ZFP1: variants seen among roughly 807,000 people sequenced by gnomAD.
ZFP1 encodes ZFP1 zinc finger protein.
In ZFP1, 32 loss-of-function variants were observed where a neutral mutation model predicts 38.5. The observed-to-expected ratio is 0.83, with a 90% CI of 0.63 to 1.12. The LOEUF is 1.12. ZFP1 is among the 50% of genes most tolerant of loss of function. The pLI is 0.00. For missense variants in ZFP1, 616 were observed against 480.8 expected (o/e 1.28, Z -2.63); for synonymous variants, 245 against 168.8 (o/e 1.45, Z -3.50).
chr16:75,163,035 G>A (rs545280014), intron 2 of ZFP1, among the ~76,000 whole-genome samples: 4 of 151,380 alleles, frequency 2.6e-5, no homozygotes, highest in Non-Finnish European at 5.9e-5. Flanking sequence ...TCAGCCTCCC[G>A]AGTAGCTGGG....
At chr16:75,156,906 C>T (rs759286976) in intron 2 of ZFP1, among the ~76,000 whole-genome samples, 3 of 152,238 alleles carry the variant, frequency 2.0e-5, no homozygotes, top group Non-Finnish European at 4.4e-5. Flanking sequence ...GGGCCAGGCT[C>T]ACCCAGGCAT....
At position 75,169,932 on chromosome 16, in the gene ZFP1, A is replaced by C. The variant is rs748595255; in HGVS notation, c.822A>C (p.Gly274=). The part of the protein sequence containing the change: ...EKKPYECSEC[G]KTFAQKFELT... ...AGCCCTATGAGTGCAGTGAATGTGG[A>C]AAGACATTTGCCCAAAAGTTTGAAC... The change falls in exon 4 of 4, where the codon GGA becomes GGC. Residue 274 remains glycine, a synonymous_variant. Coordinates refer to ENST00000570010, the MANE Select transcript of ZFP1 (RefSeq NM_153688.4). The C allele has an allele frequency of 6.2e-7, 1 of 1,614,098 alleles. No individual in the cohort carries two copies. The highest frequency in any genetic ancestry group is 8.5e-7 in the Non-Finnish European group (1 of 1,180,036).
the ZFP1 span, among the ~76,000 whole-genome samples, chr16:75,124,350 G>C: frequency 4.0e-5 from 6 of 150,824 alleles, no homozygotes; most frequent in Admixed American, 4.0e-4. Context: ...AGTAGAGACA[G>C]GGTTTTGCCA....
intron 1 of ZFP1, chr16:75,149,026 C>T (rs2037039946): frequency 6.6e-6 from 1 of 151,816 alleles, no homozygotes; most frequent in African/African-American, 2.4e-5. Flanking sequence ...CCTGACACAC[C>T]TGGCCACGCC....
At position 75,169,662 on chromosome 16, in the gene ZFP1, C is replaced by CAT; in HGVS notation, c.553_554dup (p.Cys186PhefsTer159). On this transcript the variant is annotated frameshift_variant, in exon 4 of 4. Coordinates refer to ENST00000570010, the MANE Select transcript of ZFP1 (RefSeq NM_153688.4). LOFTEE classifies it high-confidence loss of function. Reference sequence around the variant, plus strand: ...AAATAAAAAACTTGGTTCAACCTTTCATTTGTACTTACTGTGACAAGGCTT... The same window carrying CAT: ...AAATAAAAAACTTGGTTCAACCTTTCATATTTGTACTTACTGTGACAAGGCTT... 1 of 1,606,746 alleles carries CAT rather than the reference C, an allele frequency of 6.2e-7. No homozygotes were observed. Among genetic ancestry groups the CAT allele is most frequent in the Non-Finnish European group, 8.5e-7 (1 of 1,177,918 alleles).
At chr16:75,136,785 T>C in the ZFP1 span, among the ~76,000 whole-genome samples, 2 of 152,088 alleles carry the variant, frequency 1.3e-5, no homozygotes, top group Non-Finnish European at 2.9e-5. Context: ...GCAGGAAGAC[T>C]GCTTGAGTCC....
In ZFP1 at chr16:75,169,658, C is replaced by G. The variant is rs373836912; in HGVS notation, c.548C>G (p.Pro183Arg). 1.4e-5 allele frequency: 22 copies of G among 1,601,684 alleles called. No individual in the cohort carries two copies. The highest frequency in any genetic ancestry group is 4.5e-5 in the South Asian group (4 of 88,786). ...KHQKIKNLVQPFICTYCDKAF... is the reference protein window; with the variant it reads ...KHQKIKNLVQRFICTYCDKAF... ...CAGAAAATAAAAAACTTGGTTCAAC[C>G]TTTCATTTGTACTTACTGTGACAAG... The change falls in exon 4 of 4, where the codon CCT becomes CGT. Residue 183 changes from proline to arginine, a missense_variant. Coordinates refer to ENST00000570010, the MANE Select transcript of ZFP1 (RefSeq NM_153688.4).
At chr16:75,128,326 G>A in the ZFP1 span, among the ~76,000 whole-genome samples, 1 of 152,184 alleles carries the variant, frequency 6.6e-6, no homozygotes, top group African/African-American at 2.4e-5. Context: ...AGTCTTATCT[G>A]AGATTCCTTC....
chr16:75,130,442 T>G, the ZFP1 span, among the ~76,000 whole-genome samples: 1 of 152,168 alleles, frequency 6.6e-6, no homozygotes, highest in East Asian at 1.9e-4. Flanking sequence ...TGACTGGCCT[T>G]GTACGCATGC....
chr16:75,163,073 C>T lies in ZFP1; in HGVS notation c.16-3697C>T, dbSNP rs544393771. 2.4e-3 allele frequency among the ~76,000 whole-genome samples: 371 copies of T among 152,098 alleles called. 3 individuals carry two copies. The highest frequency in any genetic ancestry group is 8.4e-3 in the African/African-American group (350 of 41,530). On this transcript the variant is annotated intron_variant, in intron 2 of 3. Coordinates refer to ENST00000570010, the MANE Select transcript of ZFP1 (RefSeq NM_153688.4). Reference sequence around the variant, plus strand: ...TACATGCGCCCACCACCACGTCCGGCTAATTTTTGTATTTTTAGTAGAGAC... The same window carrying T: ...TACATGCGCCCACCACCACGTCCGGTTAATTTTTGTATTTTTAGTAGAGAC...
chr16:75,165,911 A>C (rs2038051212), intron 2 of ZFP1, among the ~76,000 whole-genome samples: 1 of 151,860 alleles, frequency 6.6e-6, no homozygotes. Flanking sequence ...TCCTTAATGT[A>C]CCTTTTGCAT....
chr16:75,154,505 C>T (rs1230182910), intron 2 of ZFP1, among the ~76,000 whole-genome samples: 1 of 151,124 alleles, frequency 6.6e-6, no homozygotes, highest in Non-Finnish European at 1.5e-5. Context: ...TTGTAAGAAA[C>T]TGCCAAACTC....
At chr16:75,126,479 C>A in the ZFP1 span, among the ~76,000 whole-genome samples, 1 of 152,296 alleles carries the variant, frequency 6.6e-6, no homozygotes, top group Non-Finnish European at 1.5e-5. Context: ...TCTTGGCTTA[C>A]TACAACCTCT....
At chr16:75,140,506 T>G in the ZFP1 span, among the ~76,000 whole-genome samples, 1 of 152,246 alleles carries the variant, frequency 6.6e-6, no homozygotes, top group Non-Finnish European at 1.5e-5. Context: ...TTTTACTCAT[T>G]GTTTATTCTT....
At chr16:75,129,475 A>G in the ZFP1 span, among the ~76,000 whole-genome samples, 1 of 152,210 alleles carries the variant, frequency 6.6e-6, no homozygotes, top group Non-Finnish European at 1.5e-5. Context: ...CTCCCATTCT[A>G]TTCAAAGTCA....
chr16:75,171,666 T>C lies in ZFP1; in HGVS notation c.*1332T>C, dbSNP rs145285401. The C allele has an allele frequency of 6.6e-6, 1 of 152,218 alleles. No individual in the cohort carries two copies. Among genetic ancestry groups the C allele is most frequent in the African/African-American group, 2.4e-5 (1 of 41,456 alleles). 9.4% of individuals were successfully genotyped at this position (152,218 alleles called of 1,614,324 possible). ...TCAATCACAAATCATGTATTGGAAA[T>C]TATAAATGGCAACCAAAAACTGGCT... On this transcript the variant is annotated 3_prime_UTR_variant, in exon 4 of 4. Coordinates refer to ENST00000570010, the MANE Select transcript of ZFP1 (RefSeq NM_153688.4).
the ZFP1 span, among the ~76,000 whole-genome samples, chr16:75,121,346 C>T: frequency 1.5e-4 from 23 of 151,992 alleles, 1 homozygote; most frequent in East Asian, 1.4e-3. Flanking sequence ...AGGATGGTTT[C>T]GATCTCCTGA....
the ZFP1 span, among the ~76,000 whole-genome samples, chr16:75,133,874 C>T: frequency 1.1e-3 from 172 of 152,152 alleles, 1 homozygote; most frequent in African/African-American, 4.1e-3. Context: ...CATGGTGAAA[C>T]CCCGTCTGTA....
At chr16:75,136,902 C>G in the ZFP1 span, among the ~76,000 whole-genome samples, 193 of 152,028 alleles carry the variant, frequency 1.3e-3, no homozygotes, top group African/African-American at 3.8e-3. Flanking sequence ...AAAAAGGACC[C>G]TGTTTGTAGA....
Sources: gnomAD v4.1 joint callset for allele counts (sites outside exome capture counted in the v4.1 genomes callset) on GRCh38, gnomAD v4.1.1 for gene constraint, MANE v1.5 for transcripts, NCBI Gene and HGNC (gene_info 2026-07-23, HGNC 2026-07-21) for gene names.